VTA1: variants seen among roughly 807,000 people sequenced by gnomAD.
VTA1 encodes vacuolar protein sorting-associated protein VTA1 homolog.
A neutral mutation model predicts 36.9 loss-of-function variants in VTA1; 24 were observed. The ratio of observed to expected loss-of-function variants is 0.65; its 90% CI spans 0.47 to 0.91. The LOEUF (loss-of-function observed/expected upper bound fraction) is 0.91, where lower values mean the gene tolerates loss of function less well. VTA1 is among the 40% of genes least tolerant of loss of function. The pLI is 0.00. For missense variants in VTA1, 393 were observed against 377.2 expected, an observed-to-expected ratio of 1.04 and a Z score of -0.35; for synonymous variants, 142 against 130.2, an observed-to-expected ratio of 1.09 and a Z score of -0.62.
intron 1 of VTA1, among the ~76,000 whole-genome samples, chr6:142,154,535 A>G (rs546055098): frequency 2.2e-3 from 339 of 152,208 alleles, no homozygotes; most frequent in Middle Eastern, 6.8e-3. Context: ...GTTTTATAAG[A>G]AGCTGTCAAA....
intron 4 of VTA1, among the ~76,000 whole-genome samples, chr6:142,186,786 A>T (rs1318243486): frequency 6.6e-6 from 1 of 152,158 alleles, no homozygotes; most frequent in Non-Finnish European, 1.5e-5. Flanking sequence ...TAAATTTATC[A>T]ATAGTATTTA....
intron 1 of VTA1, among the ~76,000 whole-genome samples, chr6:142,164,829 G>C (rs998351775): frequency 4.6e-5 from 7 of 152,148 alleles, no homozygotes; most frequent in Non-Finnish European, 1.0e-4. Flanking sequence ...TCATTCATGT[G>C]TTTGTCTATT....
intron 1 of VTA1, among the ~76,000 whole-genome samples, chr6:142,155,502 A>G (rs1324227755): frequency 6.6e-6 from 1 of 152,178 alleles, no homozygotes; most frequent in Non-Finnish European, 1.5e-5. Flanking sequence ...ATCTTTTATA[A>G]CGTGAGGGAA....
At chr6:142,207,341 G>A (rs1462798775) in intron 7 of VTA1, among the ~76,000 whole-genome samples, 3 of 152,110 alleles carry the variant, frequency 2.0e-5, no homozygotes, top group Admixed American at 1.3e-4. Context: ...CATCATGACT[G>A]CCTGCAGGGA....
chr6:142,148,078 T>C (rs574709007), intron 1 of VTA1, among the ~76,000 whole-genome samples: 8 of 152,342 alleles, frequency 5.3e-5, no homozygotes, highest in African/African-American at 1.7e-4. Context: ...CTCAAACTTG[T>C]AGTGAGTAAA....
intron 1 of VTA1, among the ~76,000 whole-genome samples, chr6:142,158,275 G>C (rs1778701348): frequency 6.6e-6 from 1 of 152,144 alleles, no homozygotes; most frequent in African/African-American, 2.4e-5. Flanking sequence ...TATATGAAGA[G>C]AGACATCTTG....
intron 7 of VTA1, among the ~76,000 whole-genome samples, chr6:142,218,249 T>G (rs1027406723): frequency 6.6e-6 from 1 of 152,202 alleles, no homozygotes; most frequent in Non-Finnish European, 1.5e-5. Flanking sequence ...TTGTCCTTAT[T>G]GCTTCTTGAA....
chr6:142,218,495 T>A lies in VTA1; in HGVS notation c.779-3T>A, dbSNP rs1426737119. The A allele has an allele frequency of 1.2e-6, 2 of 1,612,420 alleles. No individual in the cohort carries two copies. The highest frequency in any genetic ancestry group is 2.7e-5 in the African/African-American group (2 of 74,896). ...AATATCCCAATTGTTCTTTTTCTTCTAGGGGATGTTCGTCTAACCCCAGAA... is the reference window on the plus strand; with the variant it reads ...AATATCCCAATTGTTCTTTTTCTTCAAGGGGATGTTCGTCTAACCCCAGAA... On this transcript the variant is annotated splice_region_variant and splice_polypyrimidine_tract_variant and intron_variant, in intron 7 of 7. Coordinates refer to ENST00000367630, the MANE Select transcript of VTA1 (RefSeq NM_016485.5).
At chr6:142,204,488 G>C (rs1052623892) in intron 7 of VTA1, among the ~76,000 whole-genome samples, 6 of 152,030 alleles carry the variant, frequency 3.9e-5, no homozygotes, top group African/African-American at 1.4e-4. Flanking sequence ...AATCTCTGAG[G>C]TTACTTTGGT....
At chr6:142,216,045 C>G (rs564440759) in intron 7 of VTA1, among the ~76,000 whole-genome samples, 87 of 152,068 alleles carry the variant, frequency 5.7e-4, no homozygotes, top group Middle Eastern at 3.4e-3. Context: ...ATTAGACAAC[C>G]CCTCTAATCT....
chr6:142,151,112 G>A (rs574889672), intron 1 of VTA1, among the ~76,000 whole-genome samples: 2 of 152,240 alleles, frequency 1.3e-5, no homozygotes, highest in East Asian at 1.9e-4. Flanking sequence ...GTTATTCTGC[G>A]ATATTAGCAG....
At chr6:142,204,208 A>G (rs1317265261) in intron 7 of VTA1, 143 bp downstream of exon 7, 5 of 728,570 alleles carry the variant, frequency 6.9e-6, no homozygotes, top group Admixed American at 4.7e-5. Context: ...ATTTCCTTGA[A>G]TGCTTATGTT....
At chr6:142,213,741 G>C (rs1775949165) in intron 7 of VTA1, among the ~76,000 whole-genome samples, 3 of 152,160 alleles carry the variant, frequency 2.0e-5, no homozygotes, top group Admixed American at 2.0e-4. Context: ...GCCACACCTT[G>C]GTCCCTTTTA....
intron 1 of VTA1, among the ~76,000 whole-genome samples, chr6:142,162,974 A>G (rs1336196571): frequency 6.6e-6 from 1 of 152,172 alleles, no homozygotes; most frequent in Non-Finnish European, 1.5e-5. Context: ...ATGGCCACTG[A>G]GTGAAAGAGA....
chr6:142,166,786 C>T (rs775782132), intron 2 of VTA1, among the ~76,000 whole-genome samples: 1 of 151,998 alleles, frequency 6.6e-6, no homozygotes, highest in Non-Finnish European at 1.5e-5. Context: ...ACGCGCCCGG[C>T]TAGTTTTTTT....
At chr6:142,166,494 C>T (rs559393068) in intron 2 of VTA1, among the ~76,000 whole-genome samples, 172 bp downstream of exon 2, 1 of 152,172 alleles carries the variant, frequency 6.6e-6, no homozygotes, top group South Asian at 2.1e-4. Flanking sequence ...TGTATACTTC[C>T]AGAGAGGTTA....
At chr6:142,190,557 A>G (rs1775434055) in intron 5 of VTA1, among the ~76,000 whole-genome samples, 2 of 152,338 alleles carry the variant, frequency 1.3e-5, no homozygotes, top group South Asian at 4.1e-4. Flanking sequence ...AATGTGTAAT[A>G]GAAAAGGGAA....
intron 3 of VTA1, among the ~76,000 whole-genome samples, chr6:142,170,140 T>A (rs1340618977): frequency 6.6e-6 from 1 of 152,208 alleles, no homozygotes; most frequent in Non-Finnish European, 1.5e-5. Context: ...CGTAGCGCAT[T>A]TACTTGTAAT....
In VTA1 at chr6:142,147,304, C is replaced by G. The variant is rs781192805; in HGVS notation, c.17C>G (p.Pro6Arg). MAALA[P>R]LPPLPAQFKS... ...GGAGTAGAGATGGCCGCGCTTGCAC[C>G]GCTGCCCCCGCTCCCCGCACAGTTC... Residue 6 changes from proline (P) to arginine (R), a missense_variant, in exon 1 of 8, where the codon CCG becomes CGG. Transcript: ENST00000367630. 4 of 1,614,068 alleles carry G rather than the reference C, an allele frequency of 2.5e-6. No individual in the cohort carries two copies. Among genetic ancestry groups the G allele is most frequent in the African/African-American group, 2.7e-5 (2 of 74,930 alleles).
Sources: allele counts gnomAD v4.1 joint callset (sites outside exome capture counted in the v4.1 genomes callset), GRCh38; gene constraint gnomAD v4.1.1; transcripts MANE v1.5; gene names NCBI Gene and HGNC (gene_info 2026-07-23, HGNC 2026-07-21).